HMGB1: variants seen among roughly 807,000 people sequenced by gnomAD.
HMGB1 encodes high mobility group protein B1.
For missense variants in HMGB1, 79 were observed against 253.5 expected, an observed-to-expected ratio of 0.31 and a Z score of 4.67; for synonymous variants, 81 against 84.0, an observed-to-expected ratio of 0.96 and a Z score of 0.19.
At position 30,456,756 on chromosome 13, in the gene HMGB1, T is replaced by TGGCCG. The variant is rs1419158728; in HGVS notation, c.*4600_*4601insCGGCC. 1 of 2,548 alleles carries TGGCCG rather than the reference T, an allele frequency of 3.9e-4. No individual in the cohort carries two copies. The highest frequency in any genetic ancestry group is 1.0e-3 in the Non-Finnish European group (1 of 1,004). The allele number at this position is 2,548 out of a possible 1,614,324, so 0.2% of individuals were successfully genotyped here. On this transcript the variant is annotated 3_prime_UTR_variant, in exon 5 of 5. Coordinates refer to ENST00000341423, the MANE Select transcript of HMGB1 (RefSeq NM_002128.7). Reference sequence around the variant, plus strand: ...TTCACAGCATAAATAACAGCTTTTGTGGGCGGGGGGGGGGGGTGGTGGGGT... The same window carrying TGGCCG: ...TTCACAGCATAAATAACAGCTTTTGTGGCCGGGGCGGGGGGGGGGGGTGGTGGGGT...
intron 1 of HMGB1, among the ~76,000 whole-genome samples, chr13:30,492,906 G>T (rs1887529766): frequency 6.7e-6 from 1 of 148,518 alleles, no homozygotes; most frequent in African/African-American, 2.5e-5. Context: ...CAGGAGAATT[G>T]CTTGAACCTG....
At chr13:30,483,619 T>TC (rs1440303517) in intron 1 of HMGB1, among the ~76,000 whole-genome samples, 1 of 148,098 alleles carries the variant, frequency 6.8e-6, no homozygotes, top group Admixed American at 6.7e-5. Flanking sequence ...GCAAATTTCT[T>TC]TTTTTTTTTT....
chr13:30,539,122 C>T (rs944807010), intron 1 of HMGB1, among the ~76,000 whole-genome samples: 2 of 152,174 alleles, frequency 1.3e-5, no homozygotes, highest in African/African-American at 4.8e-5. Context: ...GTCTCCAATT[C>T]CTGACCTTAA....
rs1174121903 is a variant in HMGB1, at chr13:30,586,380, G to GTT, written c.-15+30289_-15+30290dup. ...AGAACATTAACAAAGACTGAACCTA[G>GTT]TTTTTTTCTCCCCTTACTGTACTGC... On this transcript the variant is annotated intron_variant, in intron 1 of 4. Coordinates refer to the HMGB1 transcript ENST00000405805. 4.7e-5 allele frequency among the ~76,000 whole-genome samples: 7 copies of GTT among 149,350 alleles called. No individual in the cohort carries two copies. In the East Asian group the frequency reaches 1.4e-3, roughly 31 times the overall value.
chr13:30,561,893 GCCAGAAGGA>G (rs1869968399), intron 1 of HMGB1, among the ~76,000 whole-genome samples: 2 of 152,064 alleles, frequency 1.3e-5, no homozygotes, highest in Non-Finnish European at 2.9e-5. Context: ...TGAGGGAGGG[GCCAGAAGGA>G]CAGTGAAAAC....
At chr13:30,502,634 C>T (rs369477626) in intron 1 of HMGB1, among the ~76,000 whole-genome samples, 87 of 78,974 alleles carry the variant, frequency 1.1e-3, no homozygotes, top group South Asian at 9.2e-3. Context: ...GCAGATTTTA[C>T]TTTACTTTAT....
At chr13:30,599,905 A>G (rs1871789078) in intron 1 of HMGB1, among the ~76,000 whole-genome samples, 1 of 152,242 alleles carries the variant, frequency 6.6e-6, no homozygotes, top group Non-Finnish European at 1.5e-5. Flanking sequence ...CACTACAGTT[A>G]GATTTATAGT....
chr13:30,607,772 A>T (rs1950474689), intron 1 of HMGB1, among the ~76,000 whole-genome samples: 1 of 152,214 alleles, frequency 6.6e-6, no homozygotes, highest in Admixed American at 6.5e-5. Context: ...CATCCTCTGG[A>T]CATATTCTCA....
intron 1 of HMGB1, among the ~76,000 whole-genome samples, chr13:30,502,815 A>T (rs1028338275): frequency 1.3e-5 from 2 of 152,012 alleles, no homozygotes; most frequent in African/African-American, 2.4e-5. Context: ...AGCTGGGATT[A>T]CAGGTGCCTG....
intron 1 of HMGB1, among the ~76,000 whole-genome samples, chr13:30,527,032 C>T (rs1292176919): frequency 6.6e-6 from 1 of 152,246 alleles, no homozygotes; most frequent in Non-Finnish European, 1.5e-5. Flanking sequence ...CAGGAGGAGC[C>T]CGGAGGGGCC....
Position 30,478,907 on chromosome 13 carries a change from C to T in HMGB1, c.-14-15213G>A, listed in dbSNP as rs181831169. ...TTTTTGAGACAGAGTCTCCCTCTGTCACCTAGGCTGGAGTGCAGTGGCGCG... is the reference window on the plus strand; with the variant it reads ...TTTTTGAGACAGAGTCTCCCTCTGTTACCTAGGCTGGAGTGCAGTGGCGCG... On this transcript the variant is annotated intron_variant, in intron 1 of 4. Transcript: ENST00000405805. 8.3e-5 allele frequency among the ~76,000 whole-genome samples: 12 copies of T among 145,012 alleles called. No homozygotes were observed. In the East Asian group the frequency reaches 2.2e-3, roughly 27 times the overall value.
At chr13:30,545,794 C>G (rs1328265415) in intron 1 of HMGB1, among the ~76,000 whole-genome samples, 1 of 152,110 alleles carries the variant, frequency 6.6e-6, no homozygotes, top group Non-Finnish European at 1.5e-5. Context: ...CTCCTGGGCT[C>G]AAGAGATCCT....
At chr13:30,469,074 A>G (rs1364720560), upstream of HMGB1, among the ~76,000 whole-genome samples, 1 of 151,868 alleles carries the variant, frequency 6.6e-6, no homozygotes, top group Non-Finnish European at 1.5e-5. Flanking sequence ...TGAATTTTTG[A>G]TAGAGACGGT....
intron 1 of HMGB1, among the ~76,000 whole-genome samples, chr13:30,571,350 A>C (rs756163747): frequency 6.8e-6 from 1 of 147,746 alleles, no homozygotes; most frequent in African/African-American, 2.5e-5. Flanking sequence ...GCTGGAGTGC[A>C]GTGGCGCAAT....
At chr13:30,491,134 T>C (rs1283738645) in intron 1 of HMGB1, among the ~76,000 whole-genome samples, 1 of 152,092 alleles carries the variant, frequency 6.6e-6, no homozygotes, top group South Asian at 2.1e-4. Context: ...ATTCAAGCGA[T>C]TCTCCTGCCT....
intron 1 of HMGB1, among the ~76,000 whole-genome samples, chr13:30,506,897 C>T (rs1326608608): frequency 2.0e-5 from 3 of 152,096 alleles, no homozygotes; most frequent in African/African-American, 4.8e-5. Context: ...TCATGGTGCT[C>T]ACTCCGAAGG....
At chr13:30,572,257 A>G (rs934039159) in intron 1 of HMGB1, among the ~76,000 whole-genome samples, 6 of 152,204 alleles carry the variant, frequency 3.9e-5, no homozygotes, top group Admixed American at 2.6e-4. Context: ...AATAACTGCA[A>G]TAGAATGCAA....
chr13:30,496,014 C>G (rs1175331074), intron 1 of HMGB1, among the ~76,000 whole-genome samples: 1 of 152,172 alleles, frequency 6.6e-6, no homozygotes, highest in Non-Finnish European at 1.5e-5. Flanking sequence ...CTTTGCTCTG[C>G]TGTTTTACTA....
intron 1 of HMGB1, among the ~76,000 whole-genome samples, chr13:30,510,456 GA>G (rs537123201): frequency 1.4e-4 from 21 of 151,478 alleles, no homozygotes; most frequent in African/African-American, 2.4e-5. Context: ...AAACCTCTGG[GA>G]AAAAAAAGAA....
Sources: allele counts gnomAD v4.1 joint callset (sites outside exome capture counted in the v4.1 genomes callset), GRCh38; gene constraint gnomAD v4.1.1; transcripts MANE v1.5; gene names NCBI Gene and HGNC (gene_info 2026-07-23, HGNC 2026-07-21).